FMN1: variants seen among roughly 807,000 people sequenced by gnomAD.
FMN1 encodes the protein formin-1.
FMN1 carries 110 observed loss-of-function variants against 132.4 expected under a neutral mutation model. The ratio of observed to expected loss-of-function variants is 0.83; its 90% CI spans 0.71 to 0.97. The LOEUF (loss-of-function observed/expected upper bound fraction) is 0.97. Ranked by LOEUF, FMN1 falls within the 50% of genes least tolerant of loss-of-function variation. The pLI is 0.00. For missense variants in FMN1, 1,792 were observed against 1,705.3 expected, an observed-to-expected ratio of 1.05 and a Z score of -0.90; for synonymous variants, 722 against 651.7, an observed-to-expected ratio of 1.11 and a Z score of -1.64.
At chr15:32,881,227 C>T (rs1308583202) in intron 16 of FMN1, among the ~76,000 whole-genome samples, 1 of 152,078 alleles carries the variant, frequency 6.6e-6, no homozygotes, top group Non-Finnish European at 1.5e-5. Context: ...AATTTATGTA[C>T]AAATATGTAT....
chr15:33,001,058 G>A (rs1302359667), intron 7 of FMN1, among the ~76,000 whole-genome samples: 1 of 152,130 alleles, frequency 6.6e-6, no homozygotes, highest in Non-Finnish European at 1.5e-5. Context: ...CGAGACGGGT[G>A]GATCACTTGT....
chr15:32,918,041 C>A (rs1164430533), intron 10 of FMN1, among the ~76,000 whole-genome samples: 1 of 151,828 alleles, frequency 6.6e-6, no homozygotes, highest in African/African-American at 2.4e-5. Flanking sequence ...ATCTTTGTTA[C>A]AAACTATTTG....
At chr15:33,109,265 C>A (rs536186804) in intron 4 of FMN1, among the ~76,000 whole-genome samples, 1 of 152,060 alleles carries the variant, frequency 6.6e-6, no homozygotes, top group Non-Finnish European at 1.5e-5. Flanking sequence ...TAGAAATCCA[C>A]TATAGTTTCC....
intron 16 of FMN1, among the ~76,000 whole-genome samples, chr15:32,876,373 AC>A (rs1296896855): frequency 6.6e-6 from 1 of 152,246 alleles, no homozygotes; most frequent in Non-Finnish European, 1.5e-5. Flanking sequence ...AAACATGGCA[AC>A]TAAATGCAAT....
intron 19 of FMN1, among the ~76,000 whole-genome samples, chr15:32,785,236 T>C (rs1242930661): frequency 1.7e-5 from 2 of 115,856 alleles, no homozygotes; most frequent in African/African-American, 6.3e-5. Flanking sequence ...TTTTTTTTTT[T>C]TGTAGAGATG....
At chr15:32,937,402 A>G (rs1039192258) in intron 9 of FMN1, among the ~76,000 whole-genome samples, 3 of 152,206 alleles carry the variant, frequency 2.0e-5, no homozygotes, top group East Asian at 3.8e-4. Flanking sequence ...ATTAGCTTCA[A>G]TACAACTGGT....
intron 19 of FMN1, among the ~76,000 whole-genome samples, chr15:32,782,223 A>AT (rs1219037759): frequency 2.0e-5 from 3 of 152,036 alleles, no homozygotes; most frequent in Non-Finnish European, 4.4e-5. Flanking sequence ...CATATTTGGG[A>AT]CCTCTCCTTG....
intron 17 of FMN1, 81 bp from the exon 18 acceptor site, chr15:32,804,413 T>G: frequency 7.5e-6 from 2 of 265,494 alleles, no homozygotes; most frequent in Non-Finnish European, 1.4e-5. Flanking sequence ...TTACACCCAT[T>G]CATTACCACA....
At chr15:32,884,793 A>T (rs1474126628) in intron 16 of FMN1, among the ~76,000 whole-genome samples, 2 of 152,216 alleles carry the variant, frequency 1.3e-5, no homozygotes, top group Admixed American at 6.5e-5. Flanking sequence ...AATATGGAAC[A>T]TGTTCCCAAG....
chr15:33,001,574 C>G (rs2034111904), intron 7 of FMN1, among the ~76,000 whole-genome samples: 1 of 131,862 alleles, frequency 7.6e-6, no homozygotes, highest in Non-Finnish European at 1.6e-5. Context: ...CTTCCCCCCC[C>G]ACCTCCCCCC....
intron 17 of FMN1, among the ~76,000 whole-genome samples, chr15:32,851,474 G>A (rs1365486031): frequency 6.6e-6 from 1 of 152,112 alleles, no homozygotes; most frequent in African/African-American, 2.4e-5. Context: ...TTGATCTGAG[G>A]GTGGGAAAGC....
chr15:33,085,192 T>TTTGC (rs1455846029), intron 5 of FMN1, among the ~76,000 whole-genome samples: 1 of 152,150 alleles, frequency 6.6e-6, no homozygotes, highest in Non-Finnish European at 1.5e-5. Flanking sequence ...ATTTATGAGA[T>TTTGC]TTGCACCCAT....
chr15:32,867,575 C>T (rs1235658088), intron 16 of FMN1, among the ~76,000 whole-genome samples: 10 of 151,880 alleles, frequency 6.6e-5, no homozygotes, highest in Admixed American at 1.3e-4. Flanking sequence ...GTGATCTCCT[C>T]GGCTCACTGC....
chr15:33,144,073 G>A (rs1964112754), intron 4 of FMN1, among the ~76,000 whole-genome samples: 1 of 152,190 alleles, frequency 6.6e-6, no homozygotes. Context: ...ACGTGATTCA[G>A]AAATGATTGG....
At chr15:32,816,567 C>T (rs921238736) in intron 17 of FMN1, among the ~76,000 whole-genome samples, 1 of 152,108 alleles carries the variant, frequency 6.6e-6, no homozygotes, top group African/African-American at 2.4e-5. Flanking sequence ...CTGCAGAGCA[C>T]TTTGAAAGCG....
chr15:32,894,490 A>T (rs1294618629), intron 15 of FMN1, among the ~76,000 whole-genome samples: 1 of 143,956 alleles, frequency 6.9e-6, no homozygotes, highest in Non-Finnish European at 1.5e-5. Flanking sequence ...TCTCAATTAA[A>T]AAAAAAAAAA....
At chr15:33,112,271 A>T (rs186423910) in intron 4 of FMN1, among the ~76,000 whole-genome samples, 5 of 140,082 alleles carry the variant, frequency 3.6e-5, no homozygotes, top group Admixed American at 7.6e-5. Context: ...GTTTGAAATA[A>T]TGTTAGGTGG....
chr15:33,111,831 TG>T (rs1371759687), intron 4 of FMN1, among the ~76,000 whole-genome samples: 3 of 152,050 alleles, frequency 2.0e-5, no homozygotes, highest in Admixed American at 6.6e-5. Flanking sequence ...ATGGGGGTTT[TG>T]GGGGAGGTGA....
chr15:33,001,329 A>G (rs2034093322), intron 7 of FMN1, among the ~76,000 whole-genome samples: 1 of 152,160 alleles, frequency 6.6e-6, no homozygotes, highest in East Asian at 1.9e-4. Flanking sequence ...CCTTCCCCTT[A>G]TAGTTCAAAA....
Sources: allele counts gnomAD v4.1 joint callset (sites outside exome capture counted in the v4.1 genomes callset), GRCh38; gene constraint gnomAD v4.1.1; transcripts MANE v1.5; gene names NCBI Gene and HGNC (gene_info 2026-07-23, HGNC 2026-07-21).